The following ZPBP variants were observed in gnomAD, a reference collection of about 807,000 sequenced individuals.
The protein encoded by ZPBP is zona pellucida-binding protein 1.
A neutral mutation model predicts 44.8 loss-of-function variants in ZPBP; 26 were observed. The observed-to-expected ratio is 0.58, with a 90% CI of 0.43 to 0.81. The LOEUF (loss-of-function observed/expected upper bound fraction) is 0.81. Among genes scored for constraint, ZPBP ranks in the 30% least tolerant of loss-of-function variants. ZPBP has a pLI of 0.00. For missense variants in ZPBP, 409 were observed against 434.0 expected, an observed-to-expected ratio of 0.94 and a Z score of 0.51; for synonymous variants, 174 against 153.2, an observed-to-expected ratio of 1.14 and a Z score of -1.00.
intron 7 of ZPBP, among the ~76,000 whole-genome samples, chr7:49,979,940 TA>T (rs1796711646): frequency 8.7e-6 from 1 of 114,516 alleles, no homozygotes; most frequent in African/African-American, 3.4e-5. Context: ...TTAGATAATA[TA>T]TAAATATATA....
intron 7 of ZPBP, chr7:49,940,730 C>T (rs1794841172): frequency 1.0e-5 from 10 of 984,744 alleles, no homozygotes; most frequent in African/African-American, 1.7e-5. Flanking sequence ...GTCCCACCTC[C>T]TTCCCCATGC....
At chr7:49,910,149 G>T (rs1473842426) in intron 1 of ZPBP, among the ~76,000 whole-genome samples, 1 of 152,070 alleles carries the variant, frequency 6.6e-6, no homozygotes, top group Non-Finnish European at 1.5e-5. Flanking sequence ...AGAGTTCAGG[G>T]AGGGAGAAGG....
intron 2 of ZPBP, among the ~76,000 whole-genome samples, chr7:49,865,347 G>T (rs952520889): frequency 1.1e-4 from 16 of 152,236 alleles, no homozygotes; most frequent in Non-Finnish European, 2.9e-5. Context: ...TTACTGAAGT[G>T]TGTAACCCTC....
intron 1 of ZPBP, among the ~76,000 whole-genome samples, chr7:49,904,853 A>G (rs2128660): frequency 0.76 from 115,321 of 151,140 alleles, 44,178 homozygotes; most frequent in East Asian, 0.88. Context: ...CTCCTGCCTC[A>G]GCCTCCCAAG....
At chr7:50,028,525 A>T (rs1338569504) in intron 5 of ZPBP, among the ~76,000 whole-genome samples, 4 of 152,042 alleles carry the variant, frequency 2.6e-5, no homozygotes, top group African/African-American at 9.7e-5. Flanking sequence ...CAGGGTGGAA[A>T]GTGTGAAGTA....
At chr7:50,048,863 A>AT (rs1250933398) in intron 4 of ZPBP, among the ~76,000 whole-genome samples, 2 of 152,020 alleles carry the variant, frequency 1.3e-5, no homozygotes, top group Non-Finnish European at 2.9e-5. Flanking sequence ...GATATAATAA[A>AT]TAAAAAATAG....
At position 50,045,625 on chromosome 7, in the gene ZPBP, C is replaced by T. The variant is rs1027998433; in HGVS notation, c.487+12364G>A. Among the ~76,000 whole-genome samples, 6 of 152,228 alleles carry T rather than the reference C, an allele frequency of 3.9e-5. No individual in the cohort carries two copies. In the South Asian group the frequency reaches 1.2e-3, roughly 32 times the overall value. On this transcript the variant is annotated intron_variant, in intron 4 of 7. Coordinates refer to ENST00000046087, the MANE Select transcript of ZPBP (RefSeq NM_007009.3). Reference sequence around the variant, plus strand: ...GACCTCTTCAAGGAGAACTACAAACCACTGCTCAAGGAAATAAGAGAGGAC... The same window carrying T: ...GACCTCTTCAAGGAGAACTACAAACTACTGCTCAAGGAAATAAGAGAGGAC...
At position 49,937,691 on chromosome 7, in the gene ZPBP, A is replaced by G. The variant is rs769389081; in HGVS notation, c.962-69T>C. On this transcript the variant is annotated intron_variant, in intron 7 of 7. Coordinates refer to ENST00000046087, the MANE Select transcript of ZPBP (RefSeq NM_007009.3). The stretch of plus-strand genomic sequence containing the variant: ...ACATAATATAAAATTTCCAATCTCA[A>G]TTCTTTTAAGTGTATAGTTCAGTAG... 8.7e-6 allele frequency: 11 copies of G among 1,270,832 alleles called. No homozygotes were observed. The Admixed American group carries it at 1.0e-4, about 12-fold the overall frequency. 78.7% of individuals were successfully genotyped at this position (1,270,832 alleles called of 1,614,324 possible).
chr7:49,937,421 CA>C (rs144349829), downstream of ZPBP: 736 of 859,356 alleles, frequency 8.6e-4, 9 homozygotes, highest in South Asian at 7.6e-3. Flanking sequence ...AATGATGACA[CA>C]TTTTTTTGTA....
chr7:49,846,440 CAT>C (rs1480607418), downstream of ZPBP, among the ~76,000 whole-genome samples: 3 of 152,178 alleles, frequency 2.0e-5, no homozygotes, highest in African/African-American at 7.2e-5. Context: ...TGCAGAACAA[CAT>C]AAAGTTCTCC....
At chr7:50,019,940 A>G (rs1274562624) in intron 5 of ZPBP, among the ~76,000 whole-genome samples, 1 of 151,960 alleles carries the variant, frequency 6.6e-6, no homozygotes, top group African/African-American at 2.4e-5. Flanking sequence ...GGCCCAAGAA[A>G]AGTTAAATCT....
chr7:49,853,944 T>G lies in ZPBP; in HGVS notation n.510-3430A>C, dbSNP rs565166150. ...ATGTTTTCATTGTTCAATTCCCACC[T>G]ATGAGTGAGAACATGCGGTGTTTGG... On this transcript the variant is annotated intron_variant and non_coding_transcript_variant, in intron 2 of 2. Transcript: ENST00000465922. Among the ~76,000 whole-genome samples, 557 of 146,220 alleles carry G rather than the reference T, an allele frequency of 3.8e-3. 4 individuals are homozygous for G. The highest frequency in any genetic ancestry group is 6.2e-3 in the Non-Finnish European group (418 of 67,230).
intron 2 of ZPBP, among the ~76,000 whole-genome samples, chr7:50,083,476 ATTAT>A (rs1188121257): frequency 1.3e-5 from 2 of 152,042 alleles, no homozygotes; most frequent in Non-Finnish European, 2.9e-5. Flanking sequence ...CCCAGAAGAA[ATTAT>A]TTAAGAAGCT....
At chr7:50,083,756 T>C (rs901652049) in intron 2 of ZPBP, among the ~76,000 whole-genome samples, 1 of 151,980 alleles carries the variant, frequency 6.6e-6, no homozygotes, top group Non-Finnish European at 1.5e-5. Context: ...ATCAATAAAT[T>C]ATAGTTAAAA....
intron 6 of ZPBP, among the ~76,000 whole-genome samples, chr7:50,000,560 C>G (rs1268059895): frequency 6.6e-6 from 1 of 152,130 alleles, no homozygotes. Context: ...GTCTCCCTAC[C>G]TTGCTACCTG....
At chr7:50,050,678 T>C (rs1364756753) in intron 4 of ZPBP, among the ~76,000 whole-genome samples, 1 of 148,194 alleles carries the variant, frequency 6.7e-6, no homozygotes, top group Non-Finnish European at 1.5e-5. Flanking sequence ...TGGCTAGCCA[T>C]ATGCAGAAAA....
chr7:50,071,685 C>T (rs769939117), intron 3 of ZPBP, among the ~76,000 whole-genome samples: 5 of 151,918 alleles, frequency 3.3e-5, no homozygotes, highest in Admixed American at 1.3e-4. Flanking sequence ...AGCCCAAGCA[C>T]AGTAGGATAG....
At chr7:49,981,358 TA>T (rs11341492) in intron 7 of ZPBP, among the ~76,000 whole-genome samples, 1,201 of 9,746 alleles carry the variant, frequency 0.12, 8 homozygotes, top group Middle Eastern at 0.25. Flanking sequence ...TAATATATAT[TA>T]TATATAATTA....
At chr7:50,088,306 G>A (rs1028239635) in intron 2 of ZPBP, among the ~76,000 whole-genome samples, 1 of 152,006 alleles carries the variant, frequency 6.6e-6, no homozygotes, top group African/African-American at 2.4e-5. Context: ...AAATGTCAGA[G>A]TTAAAACTAC....
Sources: allele counts gnomAD v4.1 joint callset (sites outside exome capture counted in the v4.1 genomes callset), GRCh38; gene constraint gnomAD v4.1.1; transcripts MANE v1.5; gene names NCBI Gene and HGNC (gene_info 2026-07-23, HGNC 2026-07-21).